The following NPRL3 variants were observed in gnomAD, a reference collection of about 807,000 sequenced individuals.
The protein encoded by NPRL3 is GATOR1 complex protein NPRL3.
Under a neutral mutation model 57.2 loss-of-function variants are expected in NPRL3, and 23 were observed. The observed-to-expected ratio is 0.40, with a 90% CI of 0.29 to 0.57. The LOEUF (loss-of-function observed/expected upper bound fraction) is 0.57, where lower values mean the gene tolerates loss of function less well. Among genes scored for constraint, NPRL3 ranks in the 20% least tolerant of loss-of-function variants. The pLI, the probability that NPRL3 is intolerant of heterozygous loss-of-function variation, is 0.42. For synonymous variants in NPRL3, 333 were observed against 321.1 expected, an observed-to-expected ratio of 1.04 and a Z score of -0.39; for missense variants, 691 against 767.1, an observed-to-expected ratio of 0.90 and a Z score of 1.17.
chr16:108,133 C>A (rs1474125296), intron 7 of NPRL3, among the ~76,000 whole-genome samples: 1 of 152,178 alleles, frequency 6.6e-6, no homozygotes, highest in Non-Finnish European at 1.5e-5. Flanking sequence ...TCCCCAGGGT[C>A]ACCAAGAGAC....
At chr16:96,584 G>A (rs748836258) in intron 9 of NPRL3, among the ~76,000 whole-genome samples, 7 of 144,188 alleles carry the variant, frequency 4.9e-5, no homozygotes, top group Non-Finnish European at 1.0e-4. Context: ...GCCAAGGTGC[G>A]ATGATCACTT....
chr16:116,787 A>ACCCCCCCCCC (rs71391112), intron 5 of NPRL3, among the ~76,000 whole-genome samples: 12 of 85,934 alleles, frequency 1.4e-4, no homozygotes, highest in Non-Finnish European at 1.8e-4. Context: ...ACATGGCGAG[A>ACCCCCCCCCC]CCCCCCCCCC....
At position 89,084 on chromosome 16, in the gene NPRL3, C is replaced by T. The variant is rs574917941; in HGVS notation, c.1352-194G>A. Reference sequence around the variant, plus strand: ...CCCCTCATACGGCTGACTTGGGAAACGGGTAGCCTCCCCTCTGGGGGCAAC... The same window carrying T: ...CCCCTCATACGGCTGACTTGGGAAATGGGTAGCCTCCCCTCTGGGGGCAAC... On this transcript the variant is annotated intron_variant, in intron 12 of 13. Transcript: ENST00000611875. 7.4e-4 allele frequency: 447 copies of T among 600,690 alleles called. 2 individuals carry two copies. Among genetic ancestry groups the T allele is most frequent in the Middle Eastern group, 4.0e-3 (9 of 2,240 alleles). 37.2% of individuals were successfully genotyped at this position (600,690 alleles called of 1,614,324 possible). A position where few individuals can be genotyped will look rare whatever the true frequency, so the allele number is the denominator to read the frequency against.
At chr16:100,994 A>AAAAAAAAAAAAAAG (rs1899276041) in intron 7 of NPRL3, among the ~76,000 whole-genome samples, 15 of 145,876 alleles carry the variant, frequency 1.0e-4, no homozygotes, top group African/African-American at 3.5e-4. Flanking sequence ...AAAAAAAGGA[A>AAAAAAAAAAAAAAG]GAAGAAGAAG....
At chr16:134,694 A>ATTATTATTATTATTATTTTT (rs1346965930) in intron 2 of NPRL3, among the ~76,000 whole-genome samples, 2 of 103,410 alleles carry the variant, frequency 1.9e-5, no homozygotes, top group African/African-American at 6.8e-5. Context: ...AATTATTATT[A>ATTATTATTATTATTATTTTT]TTTTTTTTTT....
chr16:106,713 C>T (rs1899548208), intron 7 of NPRL3, among the ~76,000 whole-genome samples: 3 of 145,446 alleles, frequency 2.1e-5, no homozygotes, highest in Admixed American at 2.1e-4. Context: ...CCTCATTAAT[C>T]TCACAGCTTC....
chr16:122,630 T>C (rs1900331186), intron 3 of NPRL3, among the ~76,000 whole-genome samples: 1 of 152,190 alleles, frequency 6.6e-6, no homozygotes. Flanking sequence ...AAACTGAAGA[T>C]TCCTGGAATA....
At chr16:138,084 G>A (rs1265876743) in intron 2 of NPRL3, 66 bp downstream of exon 2, 3 of 1,283,728 alleles carry the variant, frequency 2.3e-6, no homozygotes, top group South Asian at 2.6e-5. Context: ...GGCGGCCCTG[G>A]AATGAGGCGA....
Position 138,332 on chromosome 16 carries a change from G to C in NPRL3, c.-65C>G. On this transcript the variant is annotated splice_region_variant and 5_prime_UTR_variant, in exon 2 of 14. Transcript: ENST00000611875. ...GGAGGACGGAGCCGGAGGCGGAGGGGGCCTGAGGAGGACGGAGCCGGAGGC... is the reference window on the plus strand; with the variant it reads ...GGAGGACGGAGCCGGAGGCGGAGGGCGCCTGAGGAGGACGGAGCCGGAGGC... 1.3e-6 allele frequency: 1 copy of C among 776,212 alleles called. No individual in the cohort carries two copies. Among genetic ancestry groups the C allele is most frequent in the Non-Finnish European group, 1.6e-6 (1 of 607,868 alleles). The allele number at this position is 776,212 out of a possible 1,614,324, so 48.1% of individuals were successfully genotyped here. A position where few individuals can be genotyped will look rare whatever the true frequency, so the allele number is the denominator to read the frequency against.
chr16:117,229 C>T lies in NPRL3; in HGVS notation c.393+72G>A, dbSNP rs1275259953. On this transcript the variant is annotated intron_variant, in intron 5 of 13. Transcript: ENST00000611875. ...GTCCAAGCTCCGAGTCAATGACACGCTCGTTGGAAAAAAAGAGCTGCTTCT... is the reference window on the plus strand; with the variant it reads ...GTCCAAGCTCCGAGTCAATGACACGTTCGTTGGAAAAAAAGAGCTGCTTCT... 1.5e-5 allele frequency: 16 copies of T among 1,091,618 alleles called. 1 individual carries two copies. Among genetic ancestry groups the T allele is most frequent in the Non-Finnish European group, 2.0e-5 (15 of 731,894 alleles). 67.6% of individuals were successfully genotyped at this position (1,091,618 alleles called of 1,614,324 possible).
intron 6 of NPRL3, 122 bp downstream of exon 6, chr16:112,500 G>A: frequency 1.0e-6 from 1 of 997,328 alleles, no homozygotes; most frequent in African/African-American, 1.6e-5. Flanking sequence ...TGTTGGGGTG[G>A]GTGAGGCCCC....
rs540347671 is a variant in NPRL3, at chr16:85,959, G to A, written c.*746C>T. On this transcript the variant is annotated 3_prime_UTR_variant, in exon 14 of 14. Transcript: ENST00000611875. ...ACGTAGCGCCAGGCCCGGTGTGGAT[G>A]CTGGGGAGAATCATCAGTGTGGGAG... 50 of 697,832 alleles carry A rather than the reference G, an allele frequency of 7.2e-5. No homozygotes were observed. Among genetic ancestry groups the A allele is most frequent in the African/African-American group, 7.0e-4 (38 of 54,422 alleles). The allele number at this position is 697,832 out of a possible 1,614,324, so 43.2% of individuals were successfully genotyped here.
chr16:114,654 A>T (rs1478886162), intron 5 of NPRL3, among the ~76,000 whole-genome samples: 1 of 152,226 alleles, frequency 6.6e-6, no homozygotes, highest in African/African-American at 2.4e-5. Context: ...TGGTTCAGAC[A>T]GTCCAGCTGT....
At chr16:122,423 G>A (rs187403215) in intron 3 of NPRL3, among the ~76,000 whole-genome samples, 2 of 152,282 alleles carry the variant, frequency 1.3e-5, no homozygotes, top group Admixed American at 1.3e-4. Flanking sequence ...TAGTCTGTCT[G>A]GTAATGTAAT....
chr16:126,744 A>G (rs2562164), intron 3 of NPRL3, among the ~76,000 whole-genome samples: 48,960 of 152,070 alleles, frequency 0.32, 8,950 homozygotes, highest in East Asian at 0.54. Flanking sequence ...AGGGAACACT[A>G]CATCTTTTCT....
chr16:130,653 G>T, intron 2 of NPRL3, 62 bp from the exon 3 acceptor site: 2 of 1,481,072 alleles, frequency 1.4e-6, no homozygotes, highest in Non-Finnish European at 1.8e-6. Flanking sequence ...ACACAGGAGG[G>T]TTATGGAACC....
At chr16:93,171 A>C in intron 10 of NPRL3, 48 bp downstream of exon 10, 1 of 1,258,158 alleles carries the variant, frequency 7.9e-7, no homozygotes, top group African/African-American at 1.5e-5. Context: ...TGCCAGCCTC[A>C]CCCCTTCCCA....
chr16:110,567 G>A lies in NPRL3; in HGVS notation c.587C>T (p.Pro196Leu). ...GAGGTCCCTGGCCAGCTTGCACTTGGGCAGGATGTGATGGAATGGGGACTG... is the reference window on the plus strand; with the variant it reads ...GAGGTCCCTGGCCAGCTTGCACTTGAGCAGGATGTGATGGAATGGGGACTG... ...GPQSPFHHIL[P>L]KCKLARDLKE... Residue 196 changes from proline (P) to leucine (L), a missense_variant, in exon 7 of 14, where the codon CCC becomes CTC. Coordinates refer to ENST00000611875, the MANE Select transcript of NPRL3 (RefSeq NM_001077350.3). 1 of 1,612,166 alleles carries A rather than the reference G, an allele frequency of 6.2e-7. No homozygotes were observed. The highest frequency in any genetic ancestry group is 8.5e-7 in the Non-Finnish European group (1 of 1,179,152).
rs757340771 is a variant in NPRL3 at position 85,406 on chromosome 16, G to T, written c.*1299C>A. On this transcript the variant is annotated 3_prime_UTR_variant, in exon 14 of 14. Coordinates refer to ENST00000611875, the MANE Select transcript of NPRL3 (RefSeq NM_001077350.3). ...CCAAACTGTCCGTCCCACAGGGGAC[G>T]GGGCTTGCGTCTTGCTGCGAGCACT... 3.7e-6 allele frequency: 6 copies of T among 1,603,176 alleles called. No homozygotes were observed. Among genetic ancestry groups the T allele is most frequent in the Non-Finnish European group, 4.3e-6 (5 of 1,174,212 alleles).
Sources: allele counts gnomAD v4.1 joint callset (sites outside exome capture counted in the v4.1 genomes callset), GRCh38; gene constraint gnomAD v4.1.1; transcripts MANE v1.5; gene names NCBI Gene and HGNC (gene_info 2026-07-23, HGNC 2026-07-21).